Variants in PRKN observed in about 807,000 individuals in gnomAD.
PRKN encodes parkin RBR E3 ubiquitin protein ligase, also known as E3 ubiquitin-protein ligase parkin.
In PRKN, 56 loss-of-function variants were observed where a neutral mutation model predicts 59.5. The ratio of observed to expected loss-of-function variants is 0.94; its 90% CI spans 0.76 to 1.18. PRKN has a LOEUF of 1.18. PRKN is among the 50% of genes most tolerant of loss of function. The pLI, the probability that PRKN is intolerant of heterozygous loss-of-function variation, is 0.00. For synonymous variants in PRKN, 250 were observed against 222.1 expected, an observed-to-expected ratio of 1.13 and a Z score of -1.12; for missense variants, 657 against 596.4, an observed-to-expected ratio of 1.10 and a Z score of -1.06.
At chr6:161,744,471 G>A (rs1327388244) in intron 7 of PRKN, among the ~76,000 whole-genome samples, 3 of 152,094 alleles carry the variant, frequency 2.0e-5, no homozygotes, top group East Asian at 3.9e-4. Context: ...CCTGCTGTGC[G>A]GGCTGGTTCC....
chr6:162,401,230 T>G (rs189871297), intron 2 of PRKN, among the ~76,000 whole-genome samples: 9 of 151,514 alleles, frequency 5.9e-5, no homozygotes, highest in Admixed American at 3.9e-4. Flanking sequence ...AAAATAGAAA[T>G]TGCTGAATCA....
intron 1 of PRKN, among the ~76,000 whole-genome samples, chr6:162,464,548 G>A (rs1408539686): frequency 6.6e-6 from 1 of 151,744 alleles, no homozygotes; most frequent in Admixed American, 6.6e-5. Context: ...GGGCGCAGTG[G>A]CTCATGCCTG....
intron 11 of PRKN, among the ~76,000 whole-genome samples, chr6:161,358,426 G>T (rs376830303): frequency 6.6e-6 from 1 of 152,068 alleles, no homozygotes; most frequent in African/African-American, 2.4e-5. Flanking sequence ...CAGCCTGGCC[G>T]ACATATAGTG....
At position 162,358,283 on chromosome 6, in the gene PRKN, C is replaced by T. The variant is rs144886456; in HGVS notation, c.171+85027G>A. On this transcript the variant is annotated intron_variant, in intron 2 of 11. Transcript: ENST00000366898. ...TTAATAAACAGTTTGGAATATTTTT[C>T]GAAATCTTTATTTTTCACTTGCCAT... Among the ~76,000 whole-genome samples, 1,066 of 152,162 alleles carry T rather than the reference C, an allele frequency of 7.0e-3. 6 individuals are homozygous for T. Among genetic ancestry groups the T allele is most frequent in the East Asian group, 0.017 (88 of 5,176 alleles).
intron 4 of PRKN, among the ~76,000 whole-genome samples, chr6:162,165,230 A>C (rs1782924895): frequency 6.7e-6 from 1 of 148,888 alleles, no homozygotes; most frequent in Non-Finnish European, 1.5e-5. Context: ...AGCTTCTGGA[A>C]AAAAAAATAG....
intron 4 of PRKN, among the ~76,000 whole-genome samples, chr6:162,118,239 G>A (rs993220949): frequency 6.6e-6 from 1 of 151,626 alleles, no homozygotes; most frequent in Non-Finnish European, 1.5e-5. Flanking sequence ...GTGAAACCCT[G>A]TCTCCACTAA....
At chr6:162,179,087 C>G (rs765670219) in intron 4 of PRKN, among the ~76,000 whole-genome samples, 1 of 152,050 alleles carries the variant, frequency 6.6e-6, no homozygotes, top group Non-Finnish European at 1.5e-5. Flanking sequence ...TCACTATTTC[C>G]CAGGCTGGTC....
At chr6:161,955,418 A>G (rs1219521504) in intron 6 of PRKN, among the ~76,000 whole-genome samples, 1 of 152,232 alleles carries the variant, frequency 6.6e-6, no homozygotes, top group Non-Finnish European at 1.5e-5. Flanking sequence ...AAAAGAAAAC[A>G]GAGTTACAGA....
At chr6:162,414,709 TCAAAAAAA>T (rs1788532692) in intron 2 of PRKN, among the ~76,000 whole-genome samples, 1 of 44,544 alleles carries the variant, frequency 2.2e-5, no homozygotes, top group Non-Finnish European at 3.7e-5. Flanking sequence ...AGACTCCGTC[TCAAAAAAA>T]AAAAAAAAAA....
At position 162,645,866 on chromosome 6, in the gene PRKN, CTCTT is replaced by C. The variant is rs1221836675; in HGVS notation, c.7+81792_7+81795del. Among the ~76,000 whole-genome samples the C allele has an allele frequency of 5.0e-4, 48 of 95,936 alleles. 1 individual carries two copies. Among genetic ancestry groups the C allele is most frequent in the Non-Finnish European group, 9.8e-5 (5 of 51,272 alleles). The allele number at this position is 95,936 out of a possible 152,430, so 62.9% of individuals were successfully genotyped here. A position where few individuals can be genotyped will look rare whatever the true frequency, so the allele number is the denominator to read the frequency against. On this transcript the variant is annotated intron_variant, in intron 1 of 11. Coordinates refer to ENST00000366898, the MANE Select transcript of PRKN (RefSeq NM_004562.3). ...CCCTGAGCCACAGTGCATAAACTTT[CTCTT>C]TTTTTTTTTTTTTTTTTTTTTTGAG...
In PRKN at chr6:162,315,247, T is replaced by C. The variant is rs575689478; in HGVS notation, c.172-52482A>G. Reference sequence around the variant, plus strand: ...CCTATGTGCTAAAAGTGGTAATTGATCTAACTGCATTACAATTTTTCAATA... The same window carrying C: ...CCTATGTGCTAAAAGTGGTAATTGACCTAACTGCATTACAATTTTTCAATA... On this transcript the variant is annotated intron_variant, in intron 2 of 11. Transcript: ENST00000366898. Among the ~76,000 whole-genome samples, 169 of 152,290 alleles carry C rather than the reference T, an allele frequency of 1.1e-3. 1 individual carries two copies. The highest frequency in any genetic ancestry group is 2.1e-3 in the South Asian group (10 of 4,830).
chr6:162,668,272 G>A (rs762828052), intron 1 of PRKN, among the ~76,000 whole-genome samples: 4 of 152,158 alleles, frequency 2.6e-5, no homozygotes, highest in Non-Finnish European at 4.4e-5. Flanking sequence ...AAAGGGCACA[G>A]ATTTTAAAAG....
chr6:162,238,604 A>G (rs1358042400), intron 3 of PRKN, among the ~76,000 whole-genome samples: 1 of 152,212 alleles, frequency 6.6e-6, no homozygotes, highest in African/African-American at 2.4e-5. Flanking sequence ...CTGGGAGTTA[A>G]GTGGCCTTCT....
chr6:162,565,953 G>C (rs1423757438), intron 1 of PRKN, among the ~76,000 whole-genome samples: 1 of 152,064 alleles, frequency 6.6e-6, no homozygotes, highest in Non-Finnish European at 1.5e-5. Flanking sequence ...AGAAAAAATA[G>C]ATTTCAAGAC....
chr6:162,654,518 G>T (rs1778564575), intron 1 of PRKN, among the ~76,000 whole-genome samples: 1 of 152,150 alleles, frequency 6.6e-6, no homozygotes, highest in South Asian at 2.1e-4. Context: ...TACTGTATCA[G>T]AATATGATTA....
At chr6:161,708,664 A>T (rs1786612696) in intron 7 of PRKN, among the ~76,000 whole-genome samples, 1 of 152,200 alleles carries the variant, frequency 6.6e-6, no homozygotes, top group South Asian at 2.1e-4. Flanking sequence ...TATGTTCTGC[A>T]TTTTATGCCC....
At chr6:162,230,629 T>C (rs1355514415) in intron 3 of PRKN, among the ~76,000 whole-genome samples, 8 of 152,178 alleles carry the variant, frequency 5.3e-5, no homozygotes, top group Admixed American at 5.2e-4. Flanking sequence ...ACAGCATACA[T>C]AACTTGAAGA....
chr6:162,560,043 T>C (rs1459943321), intron 1 of PRKN, among the ~76,000 whole-genome samples: 1 of 152,222 alleles, frequency 6.6e-6, no homozygotes, highest in Non-Finnish European at 1.5e-5. Context: ...ACTTTTTCTA[T>C]TTATATGTAT....
chr6:162,309,217 G>A (rs1782363540), intron 2 of PRKN, among the ~76,000 whole-genome samples: 1 of 152,144 alleles, frequency 6.6e-6, no homozygotes, highest in Non-Finnish European at 1.5e-5. Context: ...CTGGAGTGCA[G>A]TGGCATGATC....
Sources: allele counts gnomAD v4.1 joint callset (sites outside exome capture counted in the v4.1 genomes callset), GRCh38; gene constraint gnomAD v4.1.1; transcripts MANE v1.5; gene names NCBI Gene and HGNC (gene_info 2026-07-23, HGNC 2026-07-21).